The following TET1 variants were observed in gnomAD, a reference collection of about 807,000 sequenced individuals.
TET1 encodes the protein methylcytosine dioxygenase TET1.
TET1 carries 13 observed loss-of-function variants against 148.7 expected under a neutral mutation model. That is an observed-to-expected ratio of 0.09 (90% CI 0.06 to 0.14). The LOEUF (loss-of-function observed/expected upper bound fraction) is 0.14. TET1 is among the 10% of genes least tolerant of loss of function. TET1 has a pLI of 1.00. For missense variants in TET1, 2,182 were observed against 2,553.8 expected (o/e 0.85, Z 3.14); for synonymous variants, 907 against 937.2 (o/e 0.97, Z 0.59).
intron 7 of TET1, among the ~76,000 whole-genome samples, chr10:68,672,513 A>AAAAAC (rs2055289063): frequency 9.3e-6 from 1 of 107,942 alleles, no homozygotes; most frequent in African/African-American, 3.5e-5. Context: ...AAAAAAAAAC[A>AAAAAC]CCAAAAAAAA....
chr10:68,673,382 G>A, intron 8 of TET1: 1 of 296,548 alleles, frequency 3.4e-6, no homozygotes, highest in Non-Finnish European at 6.7e-6. Flanking sequence ...CAAAGACTCA[G>A]AAAGTTTACT....
At position 68,580,699 on chromosome 10, in the gene TET1, G is replaced by A. The variant is rs967770641; in HGVS notation, c.1914+6447G>A. ...TGGGAGGCTGAGGCAGGAGAATGGC[G>A]TGAACCCAGGAGACGGAGGTTGGGG... On this transcript the variant is annotated intron_variant, in intron 2 of 11. Coordinates refer to ENST00000373644, the MANE Select transcript of TET1 (RefSeq NM_030625.3). 5.3e-5 allele frequency among the ~76,000 whole-genome samples: 8 copies of A among 149,718 alleles called. No homozygotes were observed. The South Asian group carries it at 6.4e-4, about 12-fold the overall frequency.
At chr10:68,598,689 T>TC (rs113569911) in intron 2 of TET1, among the ~76,000 whole-genome samples, 4,552 of 147,944 alleles carry the variant, frequency 0.031, 119 homozygotes, top group African/African-American at 0.072. Flanking sequence ...GTTTTTTTTT[T>TC]CTTTTTCTTT....
At chr10:68,637,219 G>A (rs1279569305) in intron 3 of TET1, among the ~76,000 whole-genome samples, 4 of 151,984 alleles carry the variant, frequency 2.6e-5, no homozygotes, top group Admixed American at 6.6e-5. Flanking sequence ...GGCTGGTCTC[G>A]AACTCCTGAC....
At chr10:68,643,409 G>A (rs2054790482) in intron 3 of TET1, among the ~76,000 whole-genome samples, 1 of 152,086 alleles carries the variant, frequency 6.6e-6, no homozygotes, top group Non-Finnish European at 1.5e-5. Flanking sequence ...TTACTATACA[G>A]TGAGAATGGA....
At chr10:68,659,026 A>G (rs924107570) in intron 6 of TET1, among the ~76,000 whole-genome samples, 1 of 152,180 alleles carries the variant, frequency 6.6e-6, no homozygotes, top group Non-Finnish European at 1.5e-5. Flanking sequence ...CCAGGAGTTC[A>G]AGACCAGGCT....
chr10:68,609,053 G>A (rs767616016), intron 3 of TET1, among the ~76,000 whole-genome samples: 3 of 151,890 alleles, frequency 2.0e-5, no homozygotes, highest in Non-Finnish European at 4.4e-5. Flanking sequence ...ACCTAGGCTG[G>A]AGTGCAGTGG....
chr10:68,659,181 G>A (rs773868092), intron 6 of TET1, among the ~76,000 whole-genome samples: 2 of 152,186 alleles, frequency 1.3e-5, no homozygotes, highest in South Asian at 2.1e-4. Context: ...CTGGGGTAAT[G>A]GCAGAAGTAG....
intron 3 of TET1, among the ~76,000 whole-genome samples, chr10:68,624,676 C>T (rs868309386): frequency 0.16 from 18,193 of 110,766 alleles, 1,465 homozygotes; most frequent in African/African-American, 0.21. Flanking sequence ...CTCTCTCTCT[C>T]TCTCTCTCTC....
In TET1 at chr10:68,613,805, G is replaced by A. The variant is rs2054250452; in HGVS notation, c.1968+12771G>A. ...TACAGAAAATTAGCTGGGCATGGTG[G>A]TACGCACCTGTAATCCCAGCTACTC... is the stretch of plus-strand genomic sequence containing the variant. On this transcript the variant is annotated intron_variant, in intron 3 of 11. Transcript: ENST00000373644. Among the ~76,000 whole-genome samples the A allele has an allele frequency of 2.6e-5, 4 of 152,066 alleles. No individual in the cohort carries two copies. In the South Asian group the frequency reaches 8.3e-4, roughly 32 times the overall value.
At chr10:68,575,670 A>G (rs1218572736) in intron 2 of TET1, among the ~76,000 whole-genome samples, 2 of 144,244 alleles carry the variant, frequency 1.4e-5, no homozygotes, top group Non-Finnish European at 3.0e-5. Flanking sequence ...CCACTGCACT[A>G]CAGCCTGGAC....
At chr10:68,656,252 C>A (rs1297272361) in intron 6 of TET1, among the ~76,000 whole-genome samples, 1 of 152,148 alleles carries the variant, frequency 6.6e-6, no homozygotes, top group Non-Finnish European at 1.5e-5. Flanking sequence ...GCCCCTGGCC[C>A]CACCTCTGTG....
At chr10:68,690,698 C>T (rs1490306339) in intron 11 of TET1, 110 bp from the exon 12 acceptor site, 1 of 1,041,870 alleles carries the variant, frequency 9.6e-7, no homozygotes, top group Non-Finnish European at 1.4e-6. Context: ...AACACAACAT[C>T]AGCGTTTTCT....
chr10:68,631,791 A>G (rs1041303395), intron 3 of TET1, among the ~76,000 whole-genome samples: 16 of 152,144 alleles, frequency 1.1e-4, no homozygotes, highest in Non-Finnish European at 2.2e-4. Flanking sequence ...TGAGACGTAA[A>G]TAGACATTAC....
chr10:68,648,996 C>T (rs2054891395), intron 4 of TET1, among the ~76,000 whole-genome samples: 1 of 152,100 alleles, frequency 6.6e-6, no homozygotes, highest in Admixed American at 6.6e-5. Context: ...GAAAGAGTGA[C>T]AATGCTGTCT....
rs1477480270 is a variant in TET1, at chr10:68,693,972, C to CTATG, written c.*2159_*2162dup. 1 of 230,474 alleles carries CTATG rather than the reference C, an allele frequency of 4.3e-6. No homozygotes were observed. Among genetic ancestry groups the CTATG allele is most frequent in the African/African-American group, 2.2e-5 (1 of 45,222 alleles). The allele number at this position is 230,474 out of a possible 1,614,324, so 14.3% of individuals were successfully genotyped here. ...CTTTTATTTTTCTTTGGATCACCACCTATGACATAGTAAACTTGAAGAATA... is the reference window on the plus strand; with the variant it reads ...CTTTTATTTTTCTTTGGATCACCACCTATGTATGACATAGTAAACTTGAAGAATA... On this transcript the variant is annotated 3_prime_UTR_variant, in exon 12 of 12. Transcript: ENST00000373644.
intron 8 of TET1, among the ~76,000 whole-genome samples, chr10:68,681,005 T>C (rs1054892325): frequency 2.6e-5 from 4 of 152,244 alleles, no homozygotes. Flanking sequence ...TTCTCCGTTA[T>C]AGGAACCTGT....
chr10:68,625,092 G>T (rs941101633), intron 3 of TET1, among the ~76,000 whole-genome samples: 1 of 152,094 alleles, frequency 6.6e-6, no homozygotes, highest in Admixed American at 6.6e-5. Context: ...CCTTTTAGTA[G>T]CCTGTAGTTA....
intron 8 of TET1, among the ~76,000 whole-genome samples, chr10:68,676,484 T>G (rs998177323): frequency 6.7e-6 from 1 of 150,108 alleles, no homozygotes; most frequent in Admixed American, 6.7e-5. Context: ...GGGGTTTCAC[T>G]AGGATGATCT....
Sources: gnomAD v4.1 joint callset for allele counts (sites outside exome capture counted in the v4.1 genomes callset) on GRCh38, gnomAD v4.1.1 for gene constraint, MANE v1.5 for transcripts, NCBI Gene and HGNC (gene_info 2026-07-23, HGNC 2026-07-21) for gene names.